The following TSLP variants were observed in gnomAD, a reference collection of about 807,000 sequenced individuals.
TSLP encodes thymic stromal lymphopoietin.
Under a neutral mutation model 12.4 loss-of-function variants are expected in TSLP, and 12 were observed. That is an observed-to-expected ratio of 0.97 (90% CI 0.62 to 1.57). The LOEUF is 1.57. Among genes scored for constraint, TSLP ranks in the 40% most tolerant of loss-of-function variants. The probability of loss-of-function intolerance (pLI) is 0.00; values close to 1 mark genes in which losing one functional copy is unlikely to be tolerated. For synonymous variants in TSLP, 97 were observed against 69.5 expected (o/e 1.40, Z -1.97); for missense variants, 222 against 189.6 (o/e 1.17, Z -1.00).
At position 111,076,293 on chromosome 5, in the gene TSLP, A is replaced by C. The variant is rs538413649; in HGVS notation, c.*219A>C. On this transcript the variant is annotated 3_prime_UTR_variant, in exon 4 of 4. Transcript: ENST00000344895. The stretch of plus-strand genomic sequence containing the variant: ...GTTGAGGGAAGCTTCCATAACATTG[A>C]TGACTGGCTTCATGGCAGTAATTCT... 8.9e-5 allele frequency: 47 copies of C among 529,570 alleles called. No individual in the cohort carries two copies. In the East Asian group the frequency reaches 1.7e-3, roughly 19 times the overall value. The allele number at this position is 529,570 out of a possible 1,614,324, so 32.8% of individuals were successfully genotyped here.
intron 3 of TSLP, among the ~76,000 whole-genome samples, chr5:111,073,968 A>G (rs11241090): frequency 0.036 from 5,434 of 152,294 alleles, 308 homozygotes; most frequent in African/African-American, 0.12. Flanking sequence ...AAAAATGCCA[A>G]TTCCCAGGTA....
intron 3 of TSLP, 146 bp downstream of exon 3, chr5:111,073,791 A>G (rs886864381): frequency 1.1e-5 from 10 of 880,458 alleles, no homozygotes; most frequent in African/African-American, 1.7e-5. Context: ...GTAGGATGTC[A>G]GTTAGACCCA....
intron 2 of TSLP, chr5:111,073,193 A>G: frequency 9.7e-7 from 1 of 1,033,016 alleles, no homozygotes; most frequent in Non-Finnish European, 1.3e-6. Flanking sequence ...TGTTAGGGGC[A>G]CCACCTGCTG....
At chr5:111,073,942 T>A (rs753765588) in intron 3 of TSLP, among the ~76,000 whole-genome samples, 3 of 152,170 alleles carry the variant, frequency 2.0e-5, no homozygotes, top group Non-Finnish European at 4.4e-5. Context: ...TGCTGGAGCA[T>A]AAGAGTATGG....
At chr5:111,072,172 G>T in intron 1 of TSLP, 111 bp downstream of exon 1, 1 of 903,126 alleles carries the variant, frequency 1.1e-6, no homozygotes. Context: ...AAAAAATCAT[G>T]GCCCCACATT....
At chr5:111,075,359 G>A (rs961289109) in intron 3 of TSLP, among the ~76,000 whole-genome samples, 2 of 152,076 alleles carry the variant, frequency 1.3e-5, no homozygotes, top group African/African-American at 4.8e-5. Context: ...GCCCTCAGAT[G>A]TCTGTGACAC....
intron 3 of TSLP, among the ~76,000 whole-genome samples, chr5:111,074,401 G>C (rs1353188439): frequency 6.6e-6 from 1 of 152,116 alleles, no homozygotes; most frequent in Non-Finnish European, 1.5e-5. Flanking sequence ...GTCTTATACA[G>C]GTTGTTTCTG....
chr5:111,075,983 G>C lies in TSLP; in HGVS notation c.389G>C (p.Arg130Thr), dbSNP rs1752493541. The C allele has an allele frequency of 1.9e-6, 3 of 1,613,938 alleles. No individual in the cohort carries two copies. Among genetic ancestry groups the C allele is most frequent in the Non-Finnish European group, 2.5e-6 (3 of 1,179,954 alleles). The change falls in exon 4 of 4, where the codon AGG becomes ACG. Residue 130 changes from arginine (R) to threonine (T), a missense_variant. Coordinates refer to ENST00000344895, the MANE Select transcript of TSLP (RefSeq NM_033035.5). ...ATQAMKKRRK[R>T]KVTTNKCLEQ... is the part of the protein sequence containing the mutation. The stretch of plus-strand genomic sequence containing the variant: ...CAGGCAATGAAGAAGAGGAGAAAAA[G>C]GAAAGTCACAACCAATAAATGTCTG...
intron 2 of TSLP, 73 bp from the exon 3 acceptor site, chr5:111,073,438 A>G (rs1752399038): frequency 1.0e-5 from 16 of 1,598,036 alleles, no homozygotes; most frequent in Non-Finnish European, 1.4e-5. Flanking sequence ...CTCCCCTTTC[A>G]CTCAATTCTC....
At position 111,076,623 on chromosome 5, in the gene TSLP, A is replaced by G. The variant is rs146408762; in HGVS notation, c.*549A>G. On this transcript the variant is annotated 3_prime_UTR_variant, in exon 4 of 4. Coordinates refer to ENST00000344895, the MANE Select transcript of TSLP (RefSeq NM_033035.5). ...AAGTTTTAAATATTATCTAACAGAC[A>G]AGAGTGGTATATACAAGTAGATCCT... 300 of 153,888 alleles carry G rather than the reference A, an allele frequency of 1.9e-3. No individual in the cohort carries two copies. Among genetic ancestry groups the G allele is most frequent in the Non-Finnish European group, 2.5e-3 (171 of 69,228 alleles). 9.5% of individuals were successfully genotyped at this position (153,888 alleles called of 1,614,324 possible). A position where few individuals can be genotyped will look rare whatever the true frequency, so the allele number is the denominator to read the frequency against.
rs1561690262 is a variant in TSLP at position 111,071,845 on chromosome 5, T to C, written c.-46T>C. 2 of 1,594,486 alleles carry C rather than the reference T, an allele frequency of 1.3e-6. No individual in the cohort carries two copies. The highest frequency in any genetic ancestry group is 1.1e-5 in the South Asian group (1 of 88,422). On this transcript the variant is annotated 5_prime_UTR_variant, in exon 1 of 4. Coordinates refer to ENST00000344895, the MANE Select transcript of TSLP (RefSeq NM_033035.5). ...CCTTACAGATCTCTTACACTCGTGG[T>C]GGGAAGAGTTTAGTGTGAAACTGGG...
intron 3 of TSLP, among the ~76,000 whole-genome samples, chr5:111,074,483 A>C (rs1265449611): frequency 6.6e-6 from 1 of 152,156 alleles, no homozygotes; most frequent in Non-Finnish European, 1.5e-5. Flanking sequence ...CTCAATATTT[A>C]TTTCAGTCAG....
upstream of TSLP, chr5:111,071,363 C>A (rs1431155755): frequency 1.5e-6 from 2 of 1,366,074 alleles, no homozygotes; most frequent in East Asian, 5.1e-5. Context: ...GCAAGGACTC[C>A]AAATCCTTAC....
At chr5:111,072,136 C>A (rs944626640) in intron 1 of TSLP, 75 bp downstream of exon 1, 9 of 1,257,714 alleles carry the variant, frequency 7.2e-6, no homozygotes, top group African/African-American at 1.5e-5. Context: ...TACAATTTAA[C>A]TTTGTAGGAA....
intron 2 of TSLP, chr5:111,073,288 T>C: frequency 1.4e-6 from 2 of 1,420,068 alleles, no homozygotes; most frequent in Non-Finnish European, 1.8e-6. Flanking sequence ...TGGGTGACAG[T>C]CTTTTCGCGA....
intron 1 of TSLP, among the ~76,000 whole-genome samples, chr5:111,072,592 G>A (rs1453293378): frequency 6.6e-6 from 1 of 152,130 alleles, no homozygotes; most frequent in Non-Finnish European, 1.5e-5. Flanking sequence ...TACAGATGCG[G>A]ACATCCAAAG....
chr5:111,075,016 C>A (rs896726689), intron 3 of TSLP, among the ~76,000 whole-genome samples: 1 of 152,104 alleles, frequency 6.6e-6, no homozygotes, highest in Non-Finnish European at 1.5e-5. Context: ...TATGGGAAAC[C>A]TATTTGGCTT....
At position 111,075,928 on chromosome 5, in the gene TSLP, G is replaced by A. The variant is rs773370104; in HGVS notation, c.352-18G>A. On this transcript the variant is annotated intron_variant, in intron 3 of 3. Coordinates refer to ENST00000344895, the MANE Select transcript of TSLP (RefSeq NM_033035.5). ...ATAGTGAAAAGTAATTTTGACTATTGATTCTTATATTCTGCAGATAAATGC... is the reference window on the plus strand; with the variant it reads ...ATAGTGAAAAGTAATTTTGACTATTAATTCTTATATTCTGCAGATAAATGC... 6.2e-7 allele frequency: 1 copy of A among 1,606,630 alleles called. No homozygotes were observed. Among genetic ancestry groups the A allele is most frequent in the South Asian group, 1.1e-5 (1 of 90,268 alleles).
At position 111,073,619 on chromosome 5, in the gene TSLP, T is replaced by A. The variant is rs1355538877; in HGVS notation, c.325T>A (p.Trp109Arg). The A allele has an allele frequency of 1.9e-6, 3 of 1,614,236 alleles. No individual in the cohort carries two copies. The highest frequency in any genetic ancestry group is 2.5e-6 in the Non-Finnish European group (3 of 1,180,044). Reference protein sequence around the residue: ...AMKTKAALAIWCPGYSETQIN... With the variant: ...AMKTKAALAIRCPGYSETQIN... ...GAAAACTAAGGCTGCCTTAGCTATC[T>A]GGTGCCCAGGCTATTCGGAAACTCA... Residue 109 changes from tryptophan to arginine, a missense_variant, in exon 3 of 4, where the codon TGG becomes AGG. By Grantham distance (101) the Trp-to-Arg change is moderately radical. Coordinates refer to ENST00000344895, the MANE Select transcript of TSLP (RefSeq NM_033035.5).
Sources: gnomAD v4.1 joint callset for allele counts (sites outside exome capture counted in the v4.1 genomes callset) on GRCh38, gnomAD v4.1.1 for gene constraint, MANE v1.5 for transcripts, NCBI Gene and HGNC (gene_info 2026-07-23, HGNC 2026-07-21) for gene names.